Variants in WWOX observed in about 807,000 individuals in gnomAD.
The protein encoded by WWOX is WW domain containing oxidoreductase, also known as WW domain-containing oxidoreductase.
In WWOX, 69 loss-of-function variants were observed where a neutral mutation model predicts 46.2. That is an observed-to-expected ratio of 1.49 (90% CI 1.23 to 1.82). The LOEUF (loss-of-function observed/expected upper bound fraction) is 1.82, where lower values mean the gene tolerates loss of function less well. WWOX is among the 40% of genes most tolerant of loss of function. The pLI is 0.00. For synonymous variants in WWOX, 359 were observed against 202.6 expected, an observed-to-expected ratio of 1.77 and a Z score of -6.56; for missense variants, 919 against 542.6, an observed-to-expected ratio of 1.69 and a Z score of -6.89.
intron 8 of WWOX, among the ~76,000 whole-genome samples, chr16:78,842,788 G>T (rs1450597018): frequency 6.6e-6 from 1 of 150,972 alleles, no homozygotes; most frequent in Non-Finnish European, 1.5e-5. Context: ...GGAGGCGGAG[G>T]TTGCAGTCAA....
intron 8 of WWOX, among the ~76,000 whole-genome samples, chr16:78,510,723 A>T (rs2085341264): frequency 6.6e-6 from 1 of 152,058 alleles, no homozygotes; most frequent in African/African-American, 2.4e-5. Flanking sequence ...GATCCTTCGT[A>T]TCAGTAAAAT....
intron 8 of WWOX, among the ~76,000 whole-genome samples, chr16:78,563,320 A>T (rs34354957): frequency 2.0e-5 from 3 of 151,842 alleles, no homozygotes; most frequent in African/African-American, 7.3e-5. Flanking sequence ...TTATTTATTT[A>T]TTTCTTTTCA....
intron 8 of WWOX, among the ~76,000 whole-genome samples, chr16:79,108,936 C>T (rs967723918): frequency 1.7e-4 from 25 of 150,380 alleles, no homozygotes; most frequent in South Asian, 2.1e-4. Context: ...TTTTTTTAAT[C>T]GCCATAATCT....
chr16:78,635,831 T>A (rs971476333), intron 8 of WWOX, among the ~76,000 whole-genome samples: 3 of 152,174 alleles, frequency 2.0e-5, no homozygotes, highest in Non-Finnish European at 2.9e-5. Context: ...TCTCAGAAGT[T>A]GGCGTTTCCT....
chr16:79,046,462 G>A (rs756821917), intron 8 of WWOX, among the ~76,000 whole-genome samples: 92 of 152,324 alleles, frequency 6.0e-4, no homozygotes, highest in Non-Finnish European at 1.3e-3. Context: ...AGACTGGGAA[G>A]TCTAAGATTA....
chr16:78,596,482 CA>C (rs1027061026), intron 8 of WWOX, among the ~76,000 whole-genome samples: 2 of 152,086 alleles, frequency 1.3e-5, no homozygotes, highest in African/African-American at 2.4e-5. Context: ...CAGGGCGTAT[CA>C]GGGGTGCTAA....
chr16:78,857,114 A>C (rs1010446785), intron 8 of WWOX, among the ~76,000 whole-genome samples: 2 of 152,262 alleles, frequency 1.3e-5, no homozygotes, highest in African/African-American at 2.4e-5. Context: ...AAATGTCATT[A>C]TGCAGTGTGT....
intron 6 of WWOX, among the ~76,000 whole-genome samples, chr16:78,394,347 T>G (rs2082241978): frequency 6.6e-6 from 1 of 152,194 alleles, no homozygotes; most frequent in Non-Finnish European, 1.5e-5. Flanking sequence ...TATGATTTTT[T>G]AAGGAAAATT....
At chr16:78,974,669 G>C (rs542993014) in intron 8 of WWOX, among the ~76,000 whole-genome samples, 1 of 152,292 alleles carries the variant, frequency 6.6e-6, no homozygotes, top group South Asian at 2.1e-4. Context: ...TGAAGAGGAG[G>C]ACAGATTATT....
At chr16:78,385,228 C>T (rs543259945) in intron 5 of WWOX, among the ~76,000 whole-genome samples, 1 of 152,010 alleles carries the variant, frequency 6.6e-6, no homozygotes, top group Non-Finnish European at 1.5e-5. Context: ...GTAATCTGGT[C>T]TGATGTGGCC....
chr16:78,941,524 C>T lies in WWOX; in HGVS notation c.1057-270084C>T, dbSNP rs1052845858. On this transcript the variant is annotated intron_variant, in intron 8 of 8. Transcript: ENST00000566780. ...TTGGATTCAGGAGTTCATAGTAGTCCTGTATGAAGCTGGGGACGGGGGGAT... is the reference window on the plus strand; with the variant it reads ...TTGGATTCAGGAGTTCATAGTAGTCTTGTATGAAGCTGGGGACGGGGGGAT... 7.3e-5 allele frequency among the ~76,000 whole-genome samples: 11 copies of T among 151,694 alleles called. 1 individual carries two copies. Among genetic ancestry groups the T allele is most frequent in the Admixed American group, 7.2e-4 (11 of 15,242 alleles).
intron 8 of WWOX, among the ~76,000 whole-genome samples, chr16:78,750,415 A>G (rs1027707074): frequency 2.6e-5 from 4 of 152,236 alleles, no homozygotes; most frequent in African/African-American, 9.6e-5. Context: ...TGGCTTAGAA[A>G]AAGTAAAGAA....
chr16:78,410,528 G>C (rs1297747991), intron 6 of WWOX, among the ~76,000 whole-genome samples: 2 of 152,042 alleles, frequency 1.3e-5, no homozygotes, highest in Non-Finnish European at 2.9e-5. Context: ...GTCAGCTGGG[G>C]GCTGGGCATG....
At chr16:78,117,359 C>T (rs905788855) in intron 4 of WWOX, among the ~76,000 whole-genome samples, 1 of 152,150 alleles carries the variant, frequency 6.6e-6, no homozygotes. Flanking sequence ...CAGGAATGGC[C>T]TTTAACACTG....
At chr16:78,303,693 C>T (rs761978778) in intron 5 of WWOX, among the ~76,000 whole-genome samples, 3 of 152,116 alleles carry the variant, frequency 2.0e-5, no homozygotes, top group Non-Finnish European at 4.4e-5. Flanking sequence ...TACAGGCATG[C>T]GCCACCATGC....
rs75823305 is a variant in WWOX, at chr16:79,012,560, A to C, written c.1057-199048A>C. Among the ~76,000 whole-genome samples the C allele has an allele frequency of 6.1e-3, 926 of 152,250 alleles. 65 individuals are homozygous for C. The East Asian group carries it at 0.14, about 24-fold the overall frequency. On this transcript the variant is annotated intron_variant, in intron 8 of 8. Transcript: ENST00000566780. The stretch of plus-strand genomic sequence containing the variant: ...ACATATGAATTTTTAATTTGATATC[A>C]TTGTGATCAATTTGAAGATCCACAT...
chr16:78,985,574 G>C (rs966037487), intron 8 of WWOX, among the ~76,000 whole-genome samples: 6 of 152,196 alleles, frequency 3.9e-5, no homozygotes, highest in Non-Finnish European at 1.5e-5. Flanking sequence ...TTTCAGACCA[G>C]CCTGACAAAC....
intron 8 of WWOX, among the ~76,000 whole-genome samples, chr16:78,847,224 GGAGTGTCATTGCTTCTA>G (rs1386687594): frequency 6.6e-6 from 1 of 152,052 alleles, no homozygotes; most frequent in Non-Finnish European, 1.5e-5. Context: ...CATTACTGCT[GGAGTGTCATTGCTTCTA>G]GAACTTCTCA....
At chr16:78,887,763 T>G (rs2044498827) in intron 8 of WWOX, among the ~76,000 whole-genome samples, 1 of 152,232 alleles carries the variant, frequency 6.6e-6, no homozygotes. Flanking sequence ...CCATTTGCCT[T>G]TCGGGATGTT....
Sources: allele counts gnomAD v4.1 joint callset (sites outside exome capture counted in the v4.1 genomes callset), GRCh38; gene constraint gnomAD v4.1.1; transcripts MANE v1.5; gene names NCBI Gene and HGNC (gene_info 2026-07-23, HGNC 2026-07-21).